The following MAP1LC3B variants were observed in gnomAD, a reference collection of about 807,000 sequenced individuals.
The protein encoded by MAP1LC3B is microtubule-associated protein 1 light chain 3 beta.
In MAP1LC3B, 12 loss-of-function variants were observed where a neutral mutation model predicts 16.7. That is an observed-to-expected ratio of 0.72 (90% CI 0.46 to 1.16). The LOEUF (loss-of-function observed/expected upper bound fraction) is 1.16, where lower values mean the gene tolerates loss of function less well. Among genes scored for constraint, MAP1LC3B ranks in the 50% most tolerant of loss-of-function variants. The pLI is 0.00. For synonymous variants in MAP1LC3B, 63 were observed against 56.5 expected, an observed-to-expected ratio of 1.11 and a Z score of -0.51; for missense variants, 155 against 159.5, an observed-to-expected ratio of 0.97 and a Z score of 0.15.
chr16:87,402,457 CTTTT>C (rs960892243), intron 3 of MAP1LC3B, 176 bp downstream of exon 3: 68 of 671,728 alleles, frequency 1.0e-4, no homozygotes, highest in Non-Finnish European at 1.5e-4. Flanking sequence ...TAAAATGTTT[CTTTT>C]TTTGAGGTTT....
chr16:87,403,338 A>G lies in MAP1LC3B; in HGVS notation c.*241A>G, dbSNP rs963206721. 2 of 352,594 alleles carry G rather than the reference A, an allele frequency of 5.7e-6. No individual in the cohort carries two copies. The highest frequency in any genetic ancestry group is 4.4e-5 in the Admixed American group (1 of 22,878). The allele number at this position is 352,594 out of a possible 1,614,324, so 21.8% of individuals were successfully genotyped here. A position where few individuals can be genotyped will look rare whatever the true frequency, so the allele number is the denominator to read the frequency against. ...TAGGCTAGCTTGTTTTCAAATTTTAAAAGTTTAAAAATAAAATACTTTGCA... is the reference window on the plus strand; with the variant it reads ...TAGGCTAGCTTGTTTTCAAATTTTAGAAGTTTAAAAATAAAATACTTTGCA... On this transcript the variant is annotated 3_prime_UTR_variant, in exon 4 of 4. Transcript: ENST00000268607.
At chr16:87,400,131 CGTGTGT>C (rs34644441) in intron 2 of MAP1LC3B, 19,327 of 136,750 alleles carry the variant, frequency 0.14, 1,504 homozygotes, top group Non-Finnish European at 0.18. Context: ...AGTTCAAATA[CGTGTGT>C]GTGTGTGTGT....
rs1414624674 is a variant in MAP1LC3B, at chr16:87,392,363, G to A, written c.-65G>A. The A allele has an allele frequency of 1.4e-5, 19 of 1,363,420 alleles. No homozygotes were observed. The highest frequency in any genetic ancestry group is 1.5e-5 in the African/African-American group (1 of 64,774). The allele number at this position is 1,363,420 out of a possible 1,614,324, so 84.5% of individuals were successfully genotyped here. On this transcript the variant is annotated 5_prime_UTR_variant, in exon 1 of 4. Transcript: ENST00000268607. The stretch of plus-strand genomic sequence containing the variant: ...AGTCGGATTCGCCGCCGCAGCAGCC[G>A]CCGCCCCCGGGAGCCGCCGGGACCC...
chr16:87,401,403 C>A (rs989122474), intron 2 of MAP1LC3B, among the ~76,000 whole-genome samples: 1 of 152,186 alleles, frequency 6.6e-6, no homozygotes, highest in Non-Finnish European at 1.5e-5. Context: ...GGGTAGATGT[C>A]TAAGCTAGCA....
chr16:87,404,109 C>G lies in MAP1LC3B; in HGVS notation c.*1012C>G, dbSNP rs760394421. ...TGAATAGTAGTTATCACTCTTAGGT[C>G]AGACAGCCATCAGAATTCTCCCACA... On this transcript the variant is annotated 3_prime_UTR_variant, in exon 4 of 4. Transcript: ENST00000268607. 5.9e-5 allele frequency: 9 copies of G among 152,114 alleles called. No individual in the cohort carries two copies. The highest frequency in any genetic ancestry group is 1.3e-4 in the Non-Finnish European group (9 of 68,022). 9.4% of individuals were successfully genotyped at this position (152,114 alleles called of 1,614,324 possible).
Position 87,403,138 on chromosome 16 carries a change from T to G in MAP1LC3B, c.*41T>G. On this transcript the variant is annotated 3_prime_UTR_variant, in exon 4 of 4. Transcript: ENST00000268607. The stretch of plus-strand genomic sequence containing the variant: ...AGCTCTTCTAGAATTGTTTAAACCC[T>G]TACCAAGGAAAAAAAAGGGATGTTA... The G allele has an allele frequency of 3.8e-6, 6 of 1,560,474 alleles. No homozygotes were observed. The highest frequency in any genetic ancestry group is 5.2e-6 in the Non-Finnish European group (6 of 1,157,160).
rs1458297617 is a variant in MAP1LC3B, at chr16:87,404,234, G to C, written c.*1137G>C. On this transcript the variant is annotated 3_prime_UTR_variant, in exon 4 of 4. Coordinates refer to ENST00000268607, the MANE Select transcript of MAP1LC3B (RefSeq NM_022818.5). The stretch of plus-strand genomic sequence containing the variant: ...TTAAACCTCCTCAGGTTCAACCTGT[G>C]ATAAAAGACTAGTGCTTCCCAGTAC... The C allele has an allele frequency of 6.6e-6, 1 of 152,228 alleles. No homozygotes were observed. 9.4% of individuals were successfully genotyped at this position (152,228 alleles called of 1,614,324 possible).
At chr16:87,398,696 G>A (rs1460892944) in intron 1 of MAP1LC3B, 119 bp from the exon 2 acceptor site, 8 of 824,258 alleles carry the variant, frequency 9.7e-6, no homozygotes, top group Non-Finnish European at 1.6e-5. Context: ...TAGGAAAGAT[G>A]TCTTCAGTGT....
In MAP1LC3B at chr16:87,403,001, A is replaced by C; in HGVS notation, c.282A>C (p.Pro94=). The change falls in exon 4 of 4, where the codon CCA becomes CCC. Residue 94 remains proline (P), a synonymous_variant. Coordinates refer to ENST00000268607, the MANE Select transcript of MAP1LC3B (RefSeq NM_022818.5). ...NGHSMVSVST[P]ISEVYESEKD... is the part of the protein sequence containing the mutation. ...ACAGCATGGTCAGCGTCTCCACACCAATCTCAGAGGTGTATGAGAGTGAGA... is the reference window on the plus strand; with the variant it reads ...ACAGCATGGTCAGCGTCTCCACACCCATCTCAGAGGTGTATGAGAGTGAGA... 2.5e-6 allele frequency: 4 copies of C among 1,614,092 alleles called. No individual in the cohort carries two copies. The highest frequency in any genetic ancestry group is 3.4e-6 in the Non-Finnish European group (4 of 1,179,944).
Position 87,398,890 on chromosome 16 carries a change from G to T in MAP1LC3B, c.96+20G>T. ...ATCCCGGTAGGTAGTCTCAGGCCTC[G>T]GTTTCAGTCATGAATGTACGCAGAG... is the stretch of plus-strand genomic sequence containing the variant. On this transcript the variant is annotated intron_variant, in intron 2 of 3. Transcript: ENST00000268607. 6.2e-7 allele frequency: 1 copy of T among 1,611,162 alleles called. No individual in the cohort carries two copies. The highest frequency in any genetic ancestry group is 8.5e-7 in the Non-Finnish European group (1 of 1,177,282).
rs1320099838 is a variant in MAP1LC3B, at chr16:87,392,491, G to A, written c.40+24G>A. ...CGGTGAGTGTCGCCGCGAGGGCGGC[G>A]GGTGCGGCGGGGCCGGGGTCCGAGC... On this transcript the variant is annotated intron_variant, in intron 1 of 3. Coordinates refer to ENST00000268607, the MANE Select transcript of MAP1LC3B (RefSeq NM_022818.5). 6 of 1,302,780 alleles carry A rather than the reference G, an allele frequency of 4.6e-6. No homozygotes were observed. In the East Asian group the frequency reaches 1.9e-4, roughly 42 times the overall value. 80.7% of individuals were successfully genotyped at this position (1,302,780 alleles called of 1,614,324 possible).
At chr16:87,395,973 G>A (rs1907786785) in intron 1 of MAP1LC3B, among the ~76,000 whole-genome samples, 1 of 145,248 alleles carries the variant, frequency 6.9e-6, no homozygotes, top group Admixed American at 7.2e-5. Context: ...TGATTCTCCT[G>A]CCTTAGCCTC....
At chr16:87,393,903 A>G (rs1421041421) in intron 1 of MAP1LC3B, among the ~76,000 whole-genome samples, 1 of 152,190 alleles carries the variant, frequency 6.6e-6, no homozygotes, top group Non-Finnish European at 1.5e-5. Flanking sequence ...TTAACTGGGA[A>G]CATTTATGTA....
chr16:87,397,515 G>A (rs2150711060), intron 1 of MAP1LC3B, among the ~76,000 whole-genome samples: 1 of 152,310 alleles, frequency 6.6e-6, no homozygotes, highest in East Asian at 1.9e-4. Context: ...CTACTCGGGA[G>A]GCTGAGGCAG....
chr16:87,397,361 G>A (rs1053037195), intron 1 of MAP1LC3B, among the ~76,000 whole-genome samples: 1 of 151,816 alleles, frequency 6.6e-6, no homozygotes, highest in African/African-American at 2.4e-5. Flanking sequence ...GCTCACGCCT[G>A]TAATCCCAGC....
chr16:87,400,077 CTTTA>C (rs1192710340), intron 2 of MAP1LC3B: 1 of 155,480 alleles, frequency 6.4e-6, no homozygotes, highest in Non-Finnish European at 1.4e-5. Flanking sequence ...GGCCTGATGG[CTTTA>C]TTTAAATTCA....
At chr16:87,398,987 C>G (rs1353403766) in intron 2 of MAP1LC3B, 117 bp downstream of exon 2, 1 of 845,644 alleles carries the variant, frequency 1.2e-6, no homozygotes, top group Non-Finnish European at 2.0e-6. Context: ...CCCTGGGTGT[C>G]AGTTTCACAA....
chr16:87,401,837 T>A (rs1469368341), intron 2 of MAP1LC3B, among the ~76,000 whole-genome samples: 1 of 135,308 alleles, frequency 7.4e-6, no homozygotes, highest in African/African-American at 3.1e-5. Flanking sequence ...GCCTGATGAC[T>A]TTTTTTTTTT....
chr16:87,399,255 C>T (rs1296846319), intron 2 of MAP1LC3B: 1 of 262,180 alleles, frequency 3.8e-6, no homozygotes, highest in Non-Finnish European at 7.5e-6. Flanking sequence ...TCAAATGATC[C>T]TCCACCTTGA....
Sources: gnomAD v4.1 joint callset for allele counts (sites outside exome capture counted in the v4.1 genomes callset) on GRCh38, gnomAD v4.1.1 for gene constraint, MANE v1.5 for transcripts, NCBI Gene and HGNC (gene_info 2026-07-23, HGNC 2026-07-21) for gene names.